The following CDH18 variants were observed in gnomAD, a reference collection of about 807,000 sequenced individuals.
CDH18 encodes the protein cadherin-18.
CDH18 carries 31 observed loss-of-function variants against 67.9 expected under a neutral mutation model. The observed-to-expected ratio is 0.46, with a 90% CI of 0.34 to 0.62. The LOEUF (loss-of-function observed/expected upper bound fraction) is 0.62. CDH18 is among the 20% of genes least tolerant of loss of function. The probability of loss-of-function intolerance (pLI) is 0.01; values close to 1 mark genes in which losing one functional copy is unlikely to be tolerated. For missense variants in CDH18, 890 were observed against 975.5 expected (o/e 0.91, Z 1.17); for synonymous variants, 362 against 347.2 (o/e 1.04, Z -0.48).
chr5:19,869,851 T>C (rs1445350413), intron 2 of CDH18, among the ~76,000 whole-genome samples: 10 of 152,152 alleles, frequency 6.6e-5, no homozygotes, highest in African/African-American at 9.6e-5. Context: ...GGCAAATCTC[T>C]GCCTACTTTT....
rs190297420 is a variant in CDH18, at chr5:20,394,422, T to C, written c.-579-138917A>G. Among the ~76,000 whole-genome samples the C allele has an allele frequency of 9.6e-4, 146 of 152,168 alleles. 1 individual carries two copies. The Middle Eastern group carries it at 0.014, about 14-fold the overall frequency. ...ATGGAGTTCTATCTCTTACCATATA[T>C]ACAAATAAACTTAAGATGAATTAAA... On this transcript the variant is annotated intron_variant, in intron 1 of 14. Transcript: ENST00000507958.
At chr5:20,494,838 G>C (rs888021625) in intron 1 of CDH18, among the ~76,000 whole-genome samples, 1 of 152,034 alleles carries the variant, frequency 6.6e-6, no homozygotes, top group African/African-American at 2.4e-5. Context: ...AAGAAGTAGC[G>C]GAGGAAAGGA....
intron 1 of CDH18, among the ~76,000 whole-genome samples, chr5:20,533,737 G>T (rs73062691): frequency 0.026 from 3,993 of 151,940 alleles, 171 homozygotes; most frequent in African/African-American, 0.091. Context: ...TGTAAATATT[G>T]ATATAAACAT....
At chr5:20,557,951 TAATGTTATAGTTATATAACATTA>T (rs1427690948) in intron 1 of CDH18, among the ~76,000 whole-genome samples, 3,739 of 34,158 alleles carry the variant, frequency 0.11, 1,341 homozygotes, top group Non-Finnish European at 0.18. Context: ...ATATAACATT[TAATGTTATAGTTATATAACATTA>T]AATGTTATAG....
At chr5:19,666,597 G>A (rs1292208627) in intron 5 of CDH18, among the ~76,000 whole-genome samples, 1 of 151,948 alleles carries the variant, frequency 6.6e-6, no homozygotes, top group African/African-American at 2.4e-5. Context: ...TGTGGTATAG[G>A]TAAAAATTTT....
At chr5:19,644,965 TC>T in intron 5 of CDH18, among the ~76,000 whole-genome samples, 1 of 152,322 alleles carries the variant, frequency 6.6e-6, no homozygotes, top group East Asian at 1.9e-4. Context: ...TTTCACTTAA[TC>T]CTATGTGATT....
intron 3 of CDH18, among the ~76,000 whole-genome samples, chr5:19,802,328 A>G (rs750996029): frequency 6.6e-6 from 1 of 152,198 alleles, no homozygotes; most frequent in African/African-American, 2.4e-5. Context: ...CAAGTTTATG[A>G]ATCATTACTT....
chr5:20,013,150 C>T (rs1194800967), intron 2 of CDH18, among the ~76,000 whole-genome samples: 4 of 152,070 alleles, frequency 2.6e-5, no homozygotes, highest in African/African-American at 9.7e-5. Flanking sequence ...CTCACTATGT[C>T]AGTGATTCTT....
At chr5:19,937,264 C>G (rs1794375094) in intron 2 of CDH18, among the ~76,000 whole-genome samples, 1 of 151,126 alleles carries the variant, frequency 6.6e-6, no homozygotes, top group Non-Finnish European at 1.5e-5. Context: ...TTTGATTAGG[C>G]AATTATTCTT....
intron 1 of CDH18, among the ~76,000 whole-genome samples, chr5:20,365,428 C>T (rs571753995): frequency 7.9e-5 from 12 of 152,184 alleles, no homozygotes; most frequent in African/African-American, 2.2e-4. Context: ...CCTGATCTGC[C>T]GTGGGAAGAA....
chr5:20,452,851 T>C (rs938057317), intron 1 of CDH18, among the ~76,000 whole-genome samples: 1 of 152,156 alleles, frequency 6.6e-6, no homozygotes, highest in Non-Finnish European at 1.5e-5. Flanking sequence ...TTATAGACAA[T>C]GTATATGTAA....
intron 3 of CDH18, among the ~76,000 whole-genome samples, chr5:19,815,129 TA>T (rs1214173884): frequency 1.3e-5 from 2 of 152,056 alleles, no homozygotes; most frequent in Non-Finnish European, 2.9e-5. Context: ...CTGAATATAA[TA>T]TACTCAAATA....
At chr5:20,468,056 C>A (rs1307267581) in intron 1 of CDH18, among the ~76,000 whole-genome samples, 3 of 149,398 alleles carry the variant, frequency 2.0e-5, no homozygotes, top group Non-Finnish European at 4.4e-5. Flanking sequence ...ACTTTGTTGC[C>A]CAGGCTGGAG....
intron 2 of CDH18, among the ~76,000 whole-genome samples, chr5:20,046,918 C>A (rs765459417): frequency 6.6e-6 from 1 of 151,480 alleles, no homozygotes; most frequent in Non-Finnish European, 1.5e-5. Context: ...TGCCGTAAGG[C>A]GAGAGCAGCA....
intron 1 of CDH18, among the ~76,000 whole-genome samples, chr5:20,330,039 C>A (rs1470923443): frequency 6.6e-6 from 1 of 151,786 alleles, no homozygotes; most frequent in Non-Finnish European, 1.5e-5. Context: ...GTGTTACCAA[C>A]CCCCAAATCA....
At chr5:20,195,439 T>G (rs1738898985) in intron 2 of CDH18, among the ~76,000 whole-genome samples, 1 of 151,996 alleles carries the variant, frequency 6.6e-6, no homozygotes, top group Admixed American at 6.6e-5. Flanking sequence ...TACATTTACT[T>G]GCCTAAAAAG....
At chr5:19,574,036 C>T (rs553907831) in intron 7 of CDH18, among the ~76,000 whole-genome samples, 97 of 152,288 alleles carry the variant, frequency 6.4e-4, no homozygotes, top group Non-Finnish European at 1.1e-3. Context: ...AAAACAATCA[C>T]CTCCACTTAT....
intron 5 of CDH18, among the ~76,000 whole-genome samples, chr5:19,619,997 A>C (rs1750443082): frequency 6.6e-6 from 1 of 152,168 alleles, no homozygotes; most frequent in African/African-American, 2.4e-5. Flanking sequence ...TTTACTTATA[A>C]AGAAAAATAT....
chr5:19,935,715 T>C (rs1180714280), intron 2 of CDH18, among the ~76,000 whole-genome samples: 1 of 151,136 alleles, frequency 6.6e-6, no homozygotes, highest in Non-Finnish European at 1.5e-5. Context: ...ACTTTTTTTT[T>C]TTTTTTACTG....
Sources: gnomAD v4.1 joint callset for allele counts (sites outside exome capture counted in the v4.1 genomes callset) on GRCh38, gnomAD v4.1.1 for gene constraint, MANE v1.5 for transcripts, NCBI Gene and HGNC (gene_info 2026-07-23, HGNC 2026-07-21) for gene names.